Variants in SDK1 observed in about 807,000 individuals in gnomAD.
SDK1 encodes the protein protein sidekick-1.
In SDK1, 157 loss-of-function variants were observed where a neutral mutation model predicts 245.5. The observed-to-expected ratio is 0.64, with a 90% confidence interval of 0.56 to 0.73. The LOEUF is 0.73. SDK1 is among the 30% of genes least tolerant of loss of function. The pLI, the probability that SDK1 is intolerant of heterozygous loss-of-function variation, is 0.00. For synonymous variants in SDK1, 1,647 were observed against 1,278.5 expected (o/e 1.29, Z -6.15); for missense variants, 3,583 against 3,002.3 (o/e 1.19, Z -4.52).
intron 4 of SDK1, among the ~76,000 whole-genome samples, chr7:3,765,738 T>G (rs1780234994): frequency 6.6e-6 from 1 of 152,240 alleles, no homozygotes; most frequent in South Asian, 2.1e-4. Flanking sequence ...CTTCTTTGGT[T>G]TCTCCTTTAC....
chr7:3,617,742 C>T (rs1310692797), intron 1 of SDK1, among the ~76,000 whole-genome samples: 2 of 152,126 alleles, frequency 1.3e-5, no homozygotes, highest in Admixed American at 6.5e-5. Flanking sequence ...TAACTAACTC[C>T]CTCCCACAGT....
chr7:4,034,549 T>G (rs1382430735), intron 17 of SDK1, among the ~76,000 whole-genome samples: 4 of 152,208 alleles, frequency 2.6e-5, no homozygotes, highest in Non-Finnish European at 5.9e-5. Context: ...ATCTTTGGCG[T>G]TTAAAAATGT....
intron 5 of SDK1, among the ~76,000 whole-genome samples, chr7:3,846,595 T>C (rs1390774904): frequency 6.6e-6 from 1 of 152,210 alleles, no homozygotes; most frequent in East Asian, 1.9e-4. Context: ...TCTAAACATA[T>C]GTATGTGGAC....
At chr7:3,972,032 C>G (rs993747680) in intron 12 of SDK1, among the ~76,000 whole-genome samples, 10 of 150,806 alleles carry the variant, frequency 6.6e-5, no homozygotes, top group African/African-American at 2.4e-4. Context: ...CCCCAGTGCA[C>G]TAATAGGAAG....
At chr7:3,603,389 G>A (rs1486481515) in intron 1 of SDK1, among the ~76,000 whole-genome samples, 1 of 151,146 alleles carries the variant, frequency 6.6e-6, no homozygotes, top group African/African-American at 2.4e-5. Context: ...CCTTGAAGAG[G>A]TCCTTCATAT....
chr7:3,494,858 A>T (rs1781975822), intron 1 of SDK1, among the ~76,000 whole-genome samples: 1 of 152,212 alleles, frequency 6.6e-6, no homozygotes, highest in African/African-American at 2.4e-5. Flanking sequence ...ATAAGAAGTG[A>T]TGTGAGGATT....
chr7:3,488,973 C>G (rs1396948157), intron 1 of SDK1, among the ~76,000 whole-genome samples: 2 of 151,850 alleles, frequency 1.3e-5, no homozygotes, highest in East Asian at 1.9e-4. Context: ...ACAGCTCTTT[C>G]AATGAGTGGA....
intron 4 of SDK1, among the ~76,000 whole-genome samples, chr7:3,685,411 A>G (rs1784250312): frequency 1.3e-5 from 2 of 152,226 alleles, no homozygotes; most frequent in South Asian, 2.1e-4. Flanking sequence ...CCTAAATGAC[A>G]GAAAGGTAGG....
intron 43 of SDK1, 124 bp downstream of exon 43, chr7:4,242,037 C>G (rs1278678038): frequency 8.4e-7 from 1 of 1,194,166 alleles, no homozygotes; most frequent in Non-Finnish European, 1.2e-6. Context: ...AAACCCAACC[C>G]ACCGCCAAGT....
At chr7:4,039,159 G>A (rs555923142) in intron 17 of SDK1, among the ~76,000 whole-genome samples, 10 of 146,358 alleles carry the variant, frequency 6.8e-5, no homozygotes, top group Admixed American at 2.7e-4. Context: ...TTGTGGGGTG[G>A]GGGGAGCGGG....
chr7:4,196,626 C>T (rs546313036), intron 35 of SDK1, among the ~76,000 whole-genome samples: 2 of 152,128 alleles, frequency 1.3e-5, no homozygotes, highest in Admixed American at 6.5e-5. Flanking sequence ...CAGGCACTGC[C>T]CGGGGAGCCC....
intron 5 of SDK1, among the ~76,000 whole-genome samples, chr7:3,942,034 G>A (rs1266705897): frequency 1.3e-5 from 2 of 150,350 alleles, no homozygotes; most frequent in Non-Finnish European, 2.9e-5. Context: ...TCAGCCTCCC[G>A]TAGCTGGGAC....
chr7:3,700,109 C>G (rs918638445), intron 4 of SDK1, among the ~76,000 whole-genome samples: 8 of 152,066 alleles, frequency 5.3e-5, no homozygotes, highest in African/African-American at 1.9e-4. Context: ...GTGAAACTAT[C>G]CTTCAGGAAT....
chr7:3,696,916 A>G (rs1464657932), intron 4 of SDK1, among the ~76,000 whole-genome samples: 2 of 152,132 alleles, frequency 1.3e-5, no homozygotes, highest in Non-Finnish European at 2.9e-5. Context: ...CCTTTAAAAA[A>G]AAAAACTCAT....
At chr7:3,536,120 G>A (rs568853930) in intron 1 of SDK1, among the ~76,000 whole-genome samples, 61 of 151,308 alleles carry the variant, frequency 4.0e-4, no homozygotes, top group African/African-American at 1.4e-3. Context: ...GCAGTGGTGC[G>A]ATCTCGGCTC....
At chr7:3,487,575 C>A (rs921305744) in intron 1 of SDK1, among the ~76,000 whole-genome samples, 6 of 151,892 alleles carry the variant, frequency 4.0e-5, no homozygotes, top group Non-Finnish European at 7.4e-5. Flanking sequence ...AGCCCTGTTA[C>A]TACAAAACAA....
chr7:3,901,557 A>G (rs1399886562), intron 5 of SDK1, among the ~76,000 whole-genome samples: 1 of 152,144 alleles, frequency 6.6e-6, no homozygotes, highest in Admixed American at 6.5e-5. Flanking sequence ...ATTATTGATT[A>G]TTTTGAGTGT....
intron 4 of SDK1, among the ~76,000 whole-genome samples, chr7:3,793,374 A>G (rs1458637260): frequency 2.6e-5 from 4 of 152,150 alleles, no homozygotes; most frequent in Non-Finnish European, 5.9e-5. Flanking sequence ...TAGAAAAGCT[A>G]TGTATTTGAA....
intron 1 of SDK1, among the ~76,000 whole-genome samples, chr7:3,342,918 C>T (rs1780386308): frequency 6.8e-6 from 1 of 146,084 alleles, no homozygotes; most frequent in Non-Finnish European, 1.5e-5. Flanking sequence ...CAAATAATCA[C>T]AGAAAAAGAC....
Sources: gnomAD v4.1 joint callset for allele counts (sites outside exome capture counted in the v4.1 genomes callset) on GRCh38, gnomAD v4.1.1 for gene constraint, MANE v1.5 for transcripts, NCBI Gene and HGNC (gene_info 2026-07-23, HGNC 2026-07-21) for gene names.